ADARB2: variants seen among roughly 807,000 people sequenced by gnomAD.
ADARB2 encodes inactive double-stranded RNA-specific editase B2.
A neutral mutation model predicts 62.2 loss-of-function variants in ADARB2; 25 were observed. The observed-to-expected ratio is 0.40, with a 90% CI of 0.29 to 0.56. The LOEUF is 0.56. Ranked by LOEUF, ADARB2 falls within the 20% of genes least tolerant of loss-of-function variation. ADARB2 has a pLI of 0.43. For missense variants in ADARB2, 1,071 were observed against 1,077.4 expected, an observed-to-expected ratio of 0.99 and a Z score of 0.08; for synonymous variants, 572 against 500.8, an observed-to-expected ratio of 1.14 and a Z score of -1.90.
intron 1 of ADARB2, among the ~76,000 whole-genome samples, chr10:1,576,959 C>A (rs373424363): frequency 1.3e-5 from 2 of 152,112 alleles, no homozygotes; most frequent in African/African-American, 4.8e-5. Context: ...TGGGTGACAG[C>A]GGGCCTCAGG....
intron 1 of ADARB2, chr10:1,678,105 C>A (rs1405862986): frequency 9.3e-6 from 9 of 972,114 alleles, no homozygotes; most frequent in Non-Finnish European, 1.1e-5. Flanking sequence ...ATTTCTGTGG[C>A]TTCAAATTCC....
At chr10:1,630,086 T>C (rs1279721289) in intron 1 of ADARB2, among the ~76,000 whole-genome samples, 2 of 152,152 alleles carry the variant, frequency 1.3e-5, no homozygotes, top group African/African-American at 4.8e-5. Flanking sequence ...CTGCAGTTGA[T>C]TTATGAGATA....
At chr10:1,491,490 C>G (rs567749986) in intron 1 of ADARB2, among the ~76,000 whole-genome samples, 2 of 152,294 alleles carry the variant, frequency 1.3e-5, no homozygotes, top group South Asian at 4.1e-4. Flanking sequence ...CTCAAAAAAG[C>G]CCATTCTTTG....
At position 1,242,313 on chromosome 10, in the gene ADARB2, T is replaced by C. The variant is rs1312609601; in HGVS notation, c.1193-14A>G. On this transcript the variant is annotated splice_polypyrimidine_tract_variant and intron_variant, in intron 4 of 9. Transcript: ENST00000381312. ...GAGCATCCAGGCCTGGGGACACAGA[T>C]AGCATCAGAGCAGCGTGGCCCACGG... is the stretch of plus-strand genomic sequence containing the variant. 1.3e-6 allele frequency: 2 copies of C among 1,545,972 alleles called. No individual in the cohort carries two copies. The highest frequency in any genetic ancestry group is 1.4e-5 in the African/African-American group (1 of 73,402).
At chr10:1,499,690 C>T (rs1226898313) in intron 1 of ADARB2, among the ~76,000 whole-genome samples, 1 of 151,980 alleles carries the variant, frequency 6.6e-6, no homozygotes, top group Non-Finnish European at 1.5e-5. Context: ...CCATCATTCA[C>T]TCATTACTCA....
At chr10:1,642,949 C>G (rs771504604) in intron 1 of ADARB2, among the ~76,000 whole-genome samples, 14 of 152,244 alleles carry the variant, frequency 9.2e-5, no homozygotes, top group Non-Finnish European at 1.2e-4. Flanking sequence ...CGGCCCCCTC[C>G]TAATTAGCAA....
chr10:1,679,875 C>T (rs539747721), intron 1 of ADARB2, among the ~76,000 whole-genome samples: 1 of 152,164 alleles, frequency 6.6e-6, no homozygotes, highest in Non-Finnish European at 1.5e-5. Flanking sequence ...GGTTGTCACT[C>T]TTAACATTGC....
chr10:1,716,683 T>A (rs933120971), intron 1 of ADARB2, among the ~76,000 whole-genome samples: 25 of 151,442 alleles, frequency 1.7e-4, no homozygotes, highest in Non-Finnish European at 1.0e-4. Context: ...CCCCAAACTT[T>A]AAAAAATAAA....
At chr10:1,722,364 A>T (rs1025615515) in intron 1 of ADARB2, among the ~76,000 whole-genome samples, 1 of 152,194 alleles carries the variant, frequency 6.6e-6, no homozygotes, top group Non-Finnish European at 1.5e-5. Flanking sequence ...CTTCAATTCC[A>T]CTTTGTTTTA....
intron 1 of ADARB2, among the ~76,000 whole-genome samples, chr10:1,385,926 A>G (rs1369461790): frequency 6.6e-6 from 1 of 152,160 alleles, no homozygotes; most frequent in Admixed American, 6.5e-5. Flanking sequence ...AACTGCAATG[A>G]GAATGACAGA....
intron 1 of ADARB2, among the ~76,000 whole-genome samples, chr10:1,615,060 G>T (rs952125485): frequency 1.3e-5 from 2 of 152,140 alleles, no homozygotes; most frequent in African/African-American, 4.8e-5. Flanking sequence ...TGTTGGATTG[G>T]TAAAAAACAG....
At chr10:1,468,004 C>T (rs193136170) in intron 1 of ADARB2, among the ~76,000 whole-genome samples, 42 of 152,284 alleles carry the variant, frequency 2.8e-4, no homozygotes, top group Admixed American at 7.8e-4. Flanking sequence ...AAAGTCTAGC[C>T]GGCTAATGCG....
chr10:1,447,911 G>A (rs1830991549), intron 1 of ADARB2, among the ~76,000 whole-genome samples: 1 of 152,136 alleles, frequency 6.6e-6, no homozygotes, highest in Non-Finnish European at 1.5e-5. Context: ...ACATGATCTT[G>A]TTCTTTTTTA....
intron 1 of ADARB2, among the ~76,000 whole-genome samples, chr10:1,462,631 G>A (rs1831190703): frequency 6.7e-6 from 1 of 149,052 alleles, no homozygotes; most frequent in Non-Finnish European, 1.5e-5. Flanking sequence ...GTATGTACAT[G>A]AGTGTATGTG....
chr10:1,725,259 C>T (rs576651030), intron 1 of ADARB2, among the ~76,000 whole-genome samples: 1 of 152,312 alleles, frequency 6.6e-6, no homozygotes, highest in Admixed American at 6.5e-5. Context: ...TAAAGGGGCA[C>T]GTCCCTGACT....
intron 1 of ADARB2, among the ~76,000 whole-genome samples, chr10:1,551,791 T>C (rs1398668863): frequency 3.3e-5 from 5 of 152,294 alleles, no homozygotes; most frequent in African/African-American, 1.2e-4. Context: ...CCTGCCGGGC[T>C]TCCGGCTCTG....
intron 1 of ADARB2, among the ~76,000 whole-genome samples, chr10:1,608,299 G>C (rs1470371887): frequency 6.6e-6 from 1 of 152,204 alleles, no homozygotes; most frequent in Non-Finnish European, 1.5e-5. Context: ...CTCAGTCCCA[G>C]AGGTCATGGA....
intron 6 of ADARB2, among the ~76,000 whole-genome samples, chr10:1,223,324 G>C (rs191169734): frequency 6.6e-6 from 1 of 152,180 alleles, no homozygotes; most frequent in Non-Finnish European, 1.5e-5. Flanking sequence ...GGGCTGAGAC[G>C]ATGGGGTTTT....
intron 1 of ADARB2, among the ~76,000 whole-genome samples, chr10:1,560,005 C>A (rs1832766170): frequency 6.6e-6 from 1 of 152,184 alleles, no homozygotes; most frequent in Non-Finnish European, 1.5e-5. Context: ...CAGGTGAAAA[C>A]TGTCAGTGTA....
Sources: gnomAD v4.1 joint callset for allele counts (sites outside exome capture counted in the v4.1 genomes callset) on GRCh38, gnomAD v4.1.1 for gene constraint, MANE v1.5 for transcripts, NCBI Gene and HGNC (gene_info 2026-07-23, HGNC 2026-07-21) for gene names.